Variants in PATJ observed in about 807,000 individuals in gnomAD.
The protein encoded by PATJ is PATJ crumbs cell polarity complex component, also known as inaD-like protein.
Under a neutral mutation model 224.9 loss-of-function variants are expected in PATJ, and 190 were observed. The observed-to-expected ratio is 0.84, with a 90% confidence interval of 0.75 to 0.95. PATJ has a LOEUF of 0.95. PATJ is among the 40% of genes least tolerant of loss of function. PATJ has a pLI of 0.00. For synonymous variants in PATJ, 769 were observed against 820.3 expected (o/e 0.94, Z 1.07); for missense variants, 2,121 against 2,270.3 (o/e 0.93, Z 1.34).
intron 22 of PATJ, among the ~76,000 whole-genome samples, chr1:61,893,266 C>T (rs1311374460): frequency 6.6e-6 from 1 of 152,208 alleles, no homozygotes; most frequent in East Asian, 1.9e-4. Context: ...AGGTAATATG[C>T]TCTGAGTTTC....
In PATJ at chr1:61,862,413, T is replaced by G. The variant is rs570336470; in HGVS notation, c.2439+746T>G. Among the ~76,000 whole-genome samples, 140 of 152,236 alleles carry G rather than the reference T, an allele frequency of 9.2e-4. 2 individuals carry two copies. In the Middle Eastern group the frequency reaches 0.01, roughly 11 times the overall value. On this transcript the variant is annotated intron_variant, in intron 19 of 43. Transcript: ENST00000642238. Reference sequence around the variant, plus strand: ...GGTTTCGCCACGTTGGCCAGGCTGGTCTCGAACTCCTGACCTCAGGTGATG... The same window carrying G: ...GGTTTCGCCACGTTGGCCAGGCTGGGCTCGAACTCCTGACCTCAGGTGATG...
intron 27 of PATJ, chr1:61,952,551 C>A: frequency 1.5e-6 from 1 of 660,342 alleles, no homozygotes; most frequent in South Asian, 1.7e-5. Context: ...AGAGCGAGGG[C>A]ACATATGCAT....
intron 29 of PATJ, among the ~76,000 whole-genome samples, chr1:62,028,173 G>A (rs1312230557): frequency 6.6e-6 from 1 of 152,050 alleles, no homozygotes; most frequent in African/African-American, 2.4e-5. Flanking sequence ...TGGTATAAAG[G>A]AAGGCTATGA....
intron 43 of PATJ, among the ~76,000 whole-genome samples, chr1:62,156,186 G>A (rs1291365161): frequency 6.6e-6 from 1 of 151,254 alleles, no homozygotes; most frequent in Non-Finnish European, 1.5e-5. Context: ...GATCAGCCTG[G>A]ACAACAAAAT....
chr1:61,883,619 C>A (rs1408919679), intron 21 of PATJ, among the ~76,000 whole-genome samples: 6 of 151,628 alleles, frequency 4.0e-5, no homozygotes, highest in Non-Finnish European at 2.9e-5. Context: ...TTTTTGCATG[C>A]AACACAACAC....
Position 62,017,955 on chromosome 1 carries a change from T to G in PATJ, c.3959+8T>G, listed in dbSNP as rs768383265. The stretch of plus-strand genomic sequence containing the variant: ...CAAGCTGGTTTTCATCAGGTAAGAT[T>G]GCTAGATCTGGTTTTGCAAAATCAA... On this transcript the variant is annotated splice_region_variant and intron_variant, in intron 29 of 43. Transcript: ENST00000642238. The G allele has an allele frequency of 1.3e-6, 2 of 1,548,010 alleles. No homozygotes were observed. Among genetic ancestry groups the G allele is most frequent in the Admixed American group, 1.7e-5 (1 of 59,898 alleles).
At chr1:62,075,999 G>A (rs1160395150) in intron 31 of PATJ, among the ~76,000 whole-genome samples, 1 of 151,774 alleles carries the variant, frequency 6.6e-6, no homozygotes, top group Non-Finnish European at 1.5e-5. Context: ...CTAAACCAGT[G>A]GTTCTTAACC....
rs559205804 is a variant in PATJ at position 61,978,523 on chromosome 1, C to T, written c.3671-11645C>T. On this transcript the variant is annotated intron_variant, in intron 27 of 43. Coordinates refer to ENST00000642238, the MANE Select transcript of PATJ (RefSeq NM_001350145.3). ...CAGGTGATCTGCCCGCCTCGGCCTC[C>T]CAAAGTGCTGGGATTACAGGCATGA... 7.9e-5 allele frequency among the ~76,000 whole-genome samples: 12 copies of T among 152,162 alleles called. No individual in the cohort carries two copies. In the South Asian group the frequency reaches 2.3e-3, roughly 29 times the overall value.
intron 27 of PATJ, among the ~76,000 whole-genome samples, chr1:61,941,758 C>T (rs1346497387): frequency 1.3e-5 from 2 of 152,126 alleles, no homozygotes; most frequent in East Asian, 1.9e-4. Flanking sequence ...TAAAAACTTA[C>T]AGCTTTCATC....
Position 62,050,981 on chromosome 1 carries a change from G to T in PATJ, c.4048G>T (p.Glu1350Ter). 6 of 1,613,808 alleles carry T rather than the reference G, an allele frequency of 3.7e-6. No homozygotes were observed. The highest frequency in any genetic ancestry group is 5.1e-6 in the Non-Finnish European group (6 of 1,179,732). Reference protein sequence around the residue: ...PSSIEDQSGTEPISSEEDGSV... With the variant: ...PSSIEDQSGT ...CGTTCCATAGGATCAGAGCGGCACC[G>T]AACCTATTAGTAGTGAGGAAGATGG... Residue 1350 changes from glutamate to a stop codon, truncating the protein, a stop_gained, in exon 31 of 44, where the codon GAA becomes TAA. Coordinates refer to ENST00000642238, the MANE Select transcript of PATJ (RefSeq NM_001350145.3). LOFTEE classifies it high-confidence loss of function.
At chr1:61,908,140 T>A (rs550831644) in intron 24 of PATJ, among the ~76,000 whole-genome samples, 1 of 152,370 alleles carries the variant, frequency 6.6e-6, no homozygotes, top group South Asian at 2.1e-4. Flanking sequence ...CCAGGGATGT[T>A]TTTATTAATG....
intron 40 of PATJ, chr1:62,128,542 T>A (rs2148946237): frequency 2.7e-6 from 1 of 371,652 alleles, no homozygotes; most frequent in East Asian, 4.8e-5. Context: ...GGTTGATGTG[T>A]ACACTTCGCT....
intron 34 of PATJ, among the ~76,000 whole-genome samples, chr1:62,112,402 A>G (rs940794242): frequency 6.6e-6 from 1 of 152,174 alleles, no homozygotes; most frequent in African/African-American, 2.4e-5. Context: ...GCTGCTCGGG[A>G]GTCTGAGTCT....
chr1:62,120,118 T>A (rs1395140300), intron 37 of PATJ, among the ~76,000 whole-genome samples: 1 of 152,124 alleles, frequency 6.6e-6, no homozygotes, highest in Non-Finnish European at 1.5e-5. Context: ...TAAATGTATA[T>A]AGCCACTATG....
intron 39 of PATJ, among the ~76,000 whole-genome samples, chr1:62,126,760 A>G (rs1665758603): frequency 6.6e-6 from 1 of 152,228 alleles, no homozygotes; most frequent in Non-Finnish European, 1.5e-5. Flanking sequence ...CAGTTTAATC[A>G]TAAACACCAT....
chr1:61,814,130 C>CTTTTTTTTTTTTTTTTTTTTTTTTTTT (rs762502160), intron 14 of PATJ, among the ~76,000 whole-genome samples: 1 of 85,900 alleles, frequency 1.2e-5, no homozygotes, highest in African/African-American at 4.8e-5. Flanking sequence ...TTATTCTCTT[C>CTTTTTTTTTTTTTTTTTTTTTTTTTTT]TTTTTTTTTT....
intron 17 of PATJ, among the ~76,000 whole-genome samples, chr1:61,846,847 C>T (rs985679530): frequency 1.3e-5 from 2 of 152,172 alleles, no homozygotes; most frequent in African/African-American, 4.8e-5. Context: ...GATCTGCCCG[C>T]CTTGGCCTCC....
At chr1:62,095,807 TA>T (rs1207262076) in intron 33 of PATJ, among the ~76,000 whole-genome samples, 1 of 152,186 alleles carries the variant, frequency 6.6e-6, no homozygotes, top group Non-Finnish European at 1.5e-5. Context: ...CCATTGCTGC[TA>T]GGGGAAATAC....
intron 1 of PATJ, among the ~76,000 whole-genome samples, chr1:61,762,545 T>C (rs1271448587): frequency 4.6e-5 from 7 of 152,182 alleles, no homozygotes; most frequent in Non-Finnish European, 7.3e-5. Context: ...CTGGGTCATA[T>C]AGTAAGTGTA....
Sources: allele counts gnomAD v4.1 joint callset (sites outside exome capture counted in the v4.1 genomes callset), GRCh38; gene constraint gnomAD v4.1.1; transcripts MANE v1.5; gene names NCBI Gene and HGNC (gene_info 2026-07-23, HGNC 2026-07-21).